GRAMD2A: variants seen among roughly 807,000 people sequenced by gnomAD.
GRAMD2A encodes GRAM domain-containing protein 2A.
In GRAMD2A, 37 loss-of-function variants were observed where a neutral mutation model predicts 51.1. The ratio of observed to expected loss-of-function variants is 0.72; its 90% CI spans 0.56 to 0.95. The LOEUF (loss-of-function observed/expected upper bound fraction) is 0.95, where lower values mean the gene tolerates loss of function less well. GRAMD2A is among the 40% of genes least tolerant of loss of function. GRAMD2A has a pLI of 0.00. For synonymous variants in GRAMD2A, 136 were observed against 157.1 expected (o/e 0.87, Z 1.01); for missense variants, 414 against 426.9 (o/e 0.97, Z 0.27).
intron 1 of GRAMD2A, among the ~76,000 whole-genome samples, chr15:72,197,031 A>C (rs974855186): frequency 2.1e-4 from 32 of 152,328 alleles, no homozygotes; most frequent in Non-Finnish European, 2.9e-5. Flanking sequence ...CAGGACCCTA[A>C]GACCTCAAGC....
At chr15:72,180,653 C>A (rs1490508635) in intron 1 of GRAMD2A, among the ~76,000 whole-genome samples, 1 of 152,240 alleles carries the variant, frequency 6.6e-6, no homozygotes, top group Non-Finnish European at 1.5e-5. Context: ...AGGCTCTTCT[C>A]AGGACCACAG....
At position 72,170,224 on chromosome 15, in the gene GRAMD2A, C is replaced by T. The variant is rs1048823332; in HGVS notation, c.42-285G>A. ...AACCTGTCTACCTCATCTCCAGTGC[C>T]AGGCAGCTCGTAGGCCAGGCTGAGT... is the stretch of plus-strand genomic sequence containing the variant. On this transcript the variant is annotated intron_variant, in intron 1 of 11. Transcript: ENST00000309731. The surrounding 1 kb of genome is among the most constrained non-coding windows in gnomAD (Gnocchi z 4.5). 3.6e-6 allele frequency: 2 copies of T among 556,486 alleles called. No individual in the cohort carries two copies. Among genetic ancestry groups the T allele is most frequent in the African/African-American group, 3.7e-5 (2 of 53,814 alleles). The allele number at this position is 556,486 out of a possible 1,614,324, so 34.5% of individuals were successfully genotyped here. A position where few individuals can be genotyped will look rare whatever the true frequency, so the allele number is the denominator to read the frequency against.
chr15:72,192,840 G>A (rs1182754194), intron 1 of GRAMD2A, among the ~76,000 whole-genome samples: 1 of 152,190 alleles, frequency 6.6e-6, no homozygotes, highest in East Asian at 1.9e-4. Flanking sequence ...GATTGGTTCA[G>A]TCGGCCAGGT....
Position 72,163,705 on chromosome 15 carries a change from G to A in GRAMD2A, c.653C>T (p.Ser218Phe), listed in dbSNP as rs1264394326. Residue 218 changes from serine (S) to phenylalanine (F), a missense_variant, in exon 9 of 12, where the codon TCC becomes TTC. Coordinates refer to ENST00000309731, the MANE Select transcript of GRAMD2A (RefSeq NM_001012642.3). ...KWRKVCPSSR[S>F]LSLPDNIPCI... ...AGGGATGTTGTCTGGGAGAGACAGG[G>A]ACCTGGAGGAAGGGCATACCTTTCT... is the stretch of plus-strand genomic sequence containing the variant. The A allele has an allele frequency of 1.2e-6, 2 of 1,609,596 alleles. No homozygotes were observed. Among genetic ancestry groups the A allele is most frequent in the Non-Finnish European group, 1.7e-6 (2 of 1,178,842 alleles).
intron 4 of GRAMD2A, 81 bp downstream of exon 4, chr15:72,168,410 G>A (rs370565302): frequency 3.0e-5 from 29 of 953,068 alleles, no homozygotes; most frequent in East Asian, 2.6e-4. Flanking sequence ...TTTCTAAGTC[G>A]TGCTTTGGAG....
intron 1 of GRAMD2A, among the ~76,000 whole-genome samples, chr15:72,182,383 A>C (rs914964013): frequency 2.6e-5 from 4 of 151,544 alleles, no homozygotes; most frequent in South Asian, 2.1e-4. Context: ...AAAAAAAAAA[A>C]AACCCAAAAT....
intron 1 of GRAMD2A, among the ~76,000 whole-genome samples, chr15:72,188,351 A>G (rs1371705430): frequency 6.6e-6 from 1 of 152,130 alleles, no homozygotes; most frequent in Admixed American, 6.6e-5. Context: ...AAAAAAAAAA[A>G]AAAAGAATGC....
intron 1 of GRAMD2A, among the ~76,000 whole-genome samples, chr15:72,178,615 G>A (rs1332018247): frequency 1.8e-5 from 2 of 112,860 alleles, no homozygotes; most frequent in South Asian, 2.8e-4. Flanking sequence ...TTGCTCTATC[G>A]CCCAGGCTGG....
At position 72,170,019 on chromosome 15, in the gene GRAMD2A, G is replaced by A. The variant is rs1241026396; in HGVS notation, c.42-80C>T. Reference sequence around the variant, plus strand: ...TAACAGCCCCACCATGCCCATGGCCGCTGCCTCTGGCCCCCACCCAAGACT... The same window carrying A: ...TAACAGCCCCACCATGCCCATGGCCACTGCCTCTGGCCCCCACCCAAGACT... On this transcript the variant is annotated intron_variant, in intron 1 of 11. Transcript: ENST00000309731. This position sits in a 1 kb window ranked among gnomAD's most constrained non-coding sequence, Gnocchi z 4.5. 1.0e-5 allele frequency: 10 copies of A among 988,582 alleles called. No homozygotes were observed. The highest frequency in any genetic ancestry group is 2.6e-5 in the South Asian group (2 of 78,358). 61.2% of individuals were successfully genotyped at this position (988,582 alleles called of 1,614,324 possible). A position where few individuals can be genotyped will look rare whatever the true frequency, so the allele number is the denominator to read the frequency against.
chr15:72,165,685 C>T (rs751369564), intron 7 of GRAMD2A, among the ~76,000 whole-genome samples: 26 of 152,182 alleles, frequency 1.7e-4, no homozygotes, highest in Non-Finnish European at 2.5e-4. Flanking sequence ...GAAGCAGCTA[C>T]GCGCTCCTAT....
chr15:72,169,422 CGG>C (rs779560676), intron 2 of GRAMD2A: 31 of 503,088 alleles, frequency 6.2e-5, no homozygotes, highest in Non-Finnish European at 1.1e-4. Flanking sequence ...CTCACAGCGC[CGG>C]GGCCTGGCCA....
intron 1 of GRAMD2A, among the ~76,000 whole-genome samples, chr15:72,192,807 C>T (rs955652449): frequency 3.9e-5 from 6 of 152,190 alleles, no homozygotes; most frequent in Non-Finnish European, 7.3e-5. Context: ...TGAGGAAACA[C>T]TAATTTATGA....
chr15:72,192,164 T>C (rs1481431355), intron 1 of GRAMD2A, among the ~76,000 whole-genome samples: 1 of 152,220 alleles, frequency 6.6e-6, no homozygotes, highest in East Asian at 1.9e-4. Context: ...GGGAGGTATA[T>C]ATGAAACAAA....
At chr15:72,182,376 A>AC (rs2081703176) in intron 1 of GRAMD2A, among the ~76,000 whole-genome samples, 2 of 151,622 alleles carry the variant, frequency 1.3e-5, no homozygotes, top group African/African-American at 2.4e-5. Context: ...AAAAAAAAAA[A>AC]AAAAAAAAAC....
rs191351731 is a variant in GRAMD2A, at chr15:72,179,251, G to T, written c.42-9312C>A. Among the ~76,000 whole-genome samples, 13 of 152,354 alleles carry T rather than the reference G, an allele frequency of 8.5e-5. No homozygotes were observed. In the East Asian group the frequency reaches 2.5e-3, roughly 29 times the overall value. On this transcript the variant is annotated intron_variant, in intron 1 of 11. Transcript: ENST00000309731. Reference sequence around the variant, plus strand: ...CCAAGTGACCCTGGCCACAGCCAGCGGAACCATGGTGTGCTCCAGGCCCAG... The same window carrying T: ...CCAAGTGACCCTGGCCACAGCCAGCTGAACCATGGTGTGCTCCAGGCCCAG...
chr15:72,185,028 C>T (rs1250968307), intron 1 of GRAMD2A, among the ~76,000 whole-genome samples: 1 of 152,128 alleles, frequency 6.6e-6, no homozygotes, highest in Non-Finnish European at 1.5e-5. Context: ...ATCAATAGAT[C>T]TTGTCCAATA....
At position 72,170,916 on chromosome 15, in the gene GRAMD2A, GGCCA is replaced by G. The variant is rs1307892223; in HGVS notation, c.42-981_42-978del. 6.6e-6 allele frequency among the ~76,000 whole-genome samples: 1 copy of G among 152,210 alleles called. No individual in the cohort carries two copies. The highest frequency in any genetic ancestry group is 1.5e-5 in the Non-Finnish European group (1 of 68,036). On this transcript the variant is annotated intron_variant, in intron 1 of 11. Transcript: ENST00000309731. The surrounding 1 kb of genome is among the most constrained non-coding windows in gnomAD (Gnocchi z 4.5). ...CAGTCACCCTCCGCTCTGTGACTGAGGCCAGCCAAAGTTCTCTTCTTCAAGAACA... is the reference window on the plus strand; with the variant it reads ...CAGTCACCCTCCGCTCTGTGACTGAGGCCAAAGTTCTCTTCTTCAAGAACA...
chr15:72,167,012 G>T lies in GRAMD2A; in HGVS notation c.453C>A (p.Thr151=). 6.2e-7 allele frequency: 1 copy of T among 1,613,846 alleles called. No individual in the cohort carries two copies. Among genetic ancestry groups the T allele is most frequent in the Non-Finnish European group, 8.5e-7 (1 of 1,179,722 alleles). Residue 151 remains threonine (T), a synonymous_variant, in exon 6 of 12, where the codon ACC becomes ACA. Coordinates refer to ENST00000309731, the MANE Select transcript of GRAMD2A (RefSeq NM_001012642.3). ...CACTGACCTTCTGGCTGGTGTTGGT[G>T]GTGATGGCCAGTCCATTGGGAAGGA... The part of the protein sequence containing the change: ...ARLLPNGLAI[T]TNTSQKYIFV...
intron 1 of GRAMD2A, among the ~76,000 whole-genome samples, chr15:72,182,354 G>C (rs1049720188): frequency 3.5e-5 from 4 of 113,560 alleles, no homozygotes; most frequent in Non-Finnish European, 5.0e-5. Flanking sequence ...GACAGAGTGA[G>C]ACTGTCTCAA....
Sources: gnomAD v4.1 joint callset for allele counts (sites outside exome capture counted in the v4.1 genomes callset) on GRCh38, gnomAD v4.1.1 for gene constraint, Gnocchi (gnomAD v3.1) non-coding constraint, MANE v1.5 for transcripts, NCBI Gene and HGNC (gene_info 2026-07-23, HGNC 2026-07-21) for gene names.